The following SRRM3 variants were observed in gnomAD, a reference collection of about 807,000 sequenced individuals.
The protein encoded by SRRM3 is serine/arginine repetitive matrix 3.
A neutral mutation model predicts 66.2 loss-of-function variants in SRRM3; 27 were observed. That is an observed-to-expected ratio of 0.41 (90% CI 0.30 to 0.56). SRRM3 has a LOEUF of 0.56. Ranked by LOEUF, SRRM3 falls within the 20% of genes least tolerant of loss-of-function variation. SRRM3 has a pLI of 0.32. For missense variants in SRRM3, 918 were observed against 991.9 expected (o/e 0.93, Z 1.00); for synonymous variants, 391 against 414.9 (o/e 0.94, Z 0.70).
chr7:76,203,613 G>T (rs1223049302), intron 1 of SRRM3, among the ~76,000 whole-genome samples: 1 of 152,232 alleles, frequency 6.6e-6, no homozygotes, highest in Non-Finnish European at 1.5e-5. Context: ...GATGAACAGT[G>T]GTTGAGAGCC....
chr7:76,232,391 G>T (rs1160466444), intron 1 of SRRM3, among the ~76,000 whole-genome samples: 1 of 152,092 alleles, frequency 6.6e-6, no homozygotes, highest in Admixed American at 6.6e-5. Context: ...GGGCAACATG[G>T]TGAAACCCCA....
At chr7:76,219,018 C>T (rs1410725774) in intron 1 of SRRM3, among the ~76,000 whole-genome samples, 2 of 152,138 alleles carry the variant, frequency 1.3e-5, no homozygotes, top group Non-Finnish European at 2.9e-5. Context: ...CCATGCCTGG[C>T]TAATTTTTGT....
intron 11 of SRRM3, among the ~76,000 whole-genome samples, chr7:76,277,044 G>A (rs975101668): frequency 2.0e-5 from 3 of 152,266 alleles, no homozygotes; most frequent in African/African-American, 2.4e-5. Context: ...CACCAGGGCC[G>A]ATTCCAGGGT....
intron 4 of SRRM3, 35 bp from the exon 5 acceptor site, chr7:76,260,082 C>G: frequency 7.0e-7 from 1 of 1,424,702 alleles, no homozygotes; most frequent in East Asian, 2.8e-5. Context: ...GGCTGCCCCC[C>G]CTCACCGCCC....
intron 1 of SRRM3, among the ~76,000 whole-genome samples, chr7:76,218,561 T>C (rs1800624913): frequency 6.6e-6 from 1 of 152,256 alleles, no homozygotes; most frequent in Admixed American, 6.5e-5. Flanking sequence ...GATTCTTTTG[T>C]TCCTCTAGAA....
intron 9 of SRRM3, among the ~76,000 whole-genome samples, chr7:76,265,143 T>G (rs1554609314): frequency 6.6e-6 from 1 of 152,036 alleles, no homozygotes; most frequent in East Asian, 1.9e-4. Flanking sequence ...AAAGGGGGCC[T>G]TTTACTAATT....
At chr7:76,222,604 T>C (rs1800754768) in intron 1 of SRRM3, among the ~76,000 whole-genome samples, 1 of 151,366 alleles carries the variant, frequency 6.6e-6, no homozygotes, top group South Asian at 2.1e-4. Flanking sequence ...GACAAGCCCA[T>C]GTTTTGTTTT....
intron 1 of SRRM3, among the ~76,000 whole-genome samples, chr7:76,228,514 G>T (rs1296262497): frequency 1.3e-5 from 2 of 152,040 alleles, no homozygotes; most frequent in African/African-American, 4.8e-5. Flanking sequence ...CATGAGGTCA[G>T]AAGTTCAAGA....
intron 5 of SRRM3, 129 bp downstream of exon 5, chr7:76,260,326 C>A: frequency 1.5e-6 from 1 of 678,100 alleles, no homozygotes; most frequent in Non-Finnish European, 2.2e-6. Context: ...CCCTCGCCCT[C>A]CCCGTGCCGT....
At chr7:76,241,948 G>A (rs556747776) in intron 2 of SRRM3, among the ~76,000 whole-genome samples, 1 of 152,290 alleles carries the variant, frequency 6.6e-6, no homozygotes, top group Non-Finnish European at 1.5e-5. Context: ...AAGTTTACTT[G>A]GCTCACGGTT....
intron 11 of SRRM3, among the ~76,000 whole-genome samples, chr7:76,272,331 C>T (rs1802234116): frequency 6.6e-6 from 1 of 152,198 alleles, no homozygotes; most frequent in African/African-American, 2.4e-5. Context: ...AAGGGCGAGG[C>T]ACGAAGATCG....
At chr7:76,212,429 T>A (rs1554601832) in intron 1 of SRRM3, among the ~76,000 whole-genome samples, 1 of 151,208 alleles carries the variant, frequency 6.6e-6, no homozygotes, top group Non-Finnish European at 1.5e-5. Context: ...AGTGCTGGGA[T>A]TACCGGCATG....
chr7:76,211,372 G>A (rs964081590), intron 1 of SRRM3, among the ~76,000 whole-genome samples: 7 of 150,938 alleles, frequency 4.6e-5, no homozygotes, highest in African/African-American at 1.7e-4. Context: ...GGGTCCGGGC[G>A]GAGGAGCGAA....
chr7:76,285,834 G>A lies in SRRM3; in HGVS notation c.1953G>A (p.Gly651=), dbSNP rs781953640. ...ACAGCCGGAGCAGCTCTGAGAGCGG[G>A]GGCTTCTGAGCCCAGACAGACTCAG... is the stretch of plus-strand genomic sequence containing the variant. ...SYHSRSSSES[G]GF is the part of the protein sequence containing the mutation. Residue 651 remains glycine (G), a synonymous_variant, in exon 15 of 15, where the codon GGG becomes GGA. Coordinates refer to ENST00000611745, the MANE Select transcript of SRRM3 (RefSeq NM_001110199.3). This position sits in a 1 kb window ranked among gnomAD's most constrained non-coding sequence, Gnocchi z 4.1. 2.6e-6 allele frequency: 4 copies of A among 1,549,388 alleles called. No individual in the cohort carries two copies. Among genetic ancestry groups the A allele is most frequent in the Non-Finnish European group, 3.5e-6 (4 of 1,146,208 alleles).
intron 1 of SRRM3, among the ~76,000 whole-genome samples, chr7:76,214,685 G>A (rs1227145118): frequency 1.3e-5 from 2 of 152,050 alleles, no homozygotes; most frequent in Non-Finnish European, 2.9e-5. Context: ...CTCACACCTT[G>A]GGAAACACAT....
At chr7:76,263,227 C>T (rs1801925467) in intron 8 of SRRM3, among the ~76,000 whole-genome samples, 1 of 152,248 alleles carries the variant, frequency 6.6e-6, no homozygotes, top group Admixed American at 6.5e-5. Context: ...AATGGGGAGA[C>T]TGAAGCCCAA....
At chr7:76,211,138 G>T (rs984935293) in intron 1 of SRRM3, among the ~76,000 whole-genome samples, 10 of 152,214 alleles carry the variant, frequency 6.6e-5, no homozygotes, top group African/African-American at 1.9e-4. Flanking sequence ...TGGACTAGGG[G>T]TTATGTAGCA....
chr7:76,266,197 T>TTATA (rs1383321957), intron 10 of SRRM3, among the ~76,000 whole-genome samples: 1 of 98,394 alleles, frequency 1.0e-5, no homozygotes, highest in Non-Finnish European at 1.7e-5. Context: ...ATATAAATAT[T>TTATA]TATATATTTA....
At chr7:76,247,392 G>T (rs1339853052) in intron 2 of SRRM3, among the ~76,000 whole-genome samples, 2 of 152,016 alleles carry the variant, frequency 1.3e-5, no homozygotes, top group African/African-American at 4.8e-5. Context: ...CAGAAATGGG[G>T]GTGCTTTGAC....
Sources: allele counts gnomAD v4.1 joint callset (sites outside exome capture counted in the v4.1 genomes callset), GRCh38; gene constraint gnomAD v4.1.1; non-coding constraint Gnocchi (gnomAD v3.1); transcripts MANE v1.5; gene names NCBI Gene and HGNC (gene_info 2026-07-23, HGNC 2026-07-21).